Variants in DLG2 observed in about 807,000 individuals in gnomAD.
DLG2 encodes the protein disks large homolog 2.
Under a neutral mutation model 132.5 loss-of-function variants are expected in DLG2, and 45 were observed. That is an observed-to-expected ratio of 0.34 (90% CI 0.27 to 0.44). DLG2 has a LOEUF of 0.44. Among genes scored for constraint, DLG2 ranks in the 20% least tolerant of loss-of-function variants. DLG2 has a pLI of 1.00. For synonymous variants in DLG2, 424 were observed against 419.6 expected (o/e 1.01, Z -0.13); for missense variants, 1,045 against 1,196.9 (o/e 0.87, Z 1.87).
intron 7 of DLG2, 89 bp from the exon 8 acceptor site, chr11:84,251,380 A>C: frequency 3.9e-6 from 4 of 1,026,902 alleles, no homozygotes; most frequent in Non-Finnish European, 4.2e-6. Flanking sequence ...AAAGAGCTCA[A>C]CAGGCATTTC....
chr11:83,904,225 T>G (rs533315861), intron 15 of DLG2, among the ~76,000 whole-genome samples: 1 of 152,272 alleles, frequency 6.6e-6, no homozygotes, highest in Non-Finnish European at 1.5e-5. Flanking sequence ...TTATCATGCT[T>G]CACAAAATGG....
intron 6 of DLG2, among the ~76,000 whole-genome samples, chr11:84,858,129 G>A (rs1248623255): frequency 6.6e-6 from 1 of 152,074 alleles, no homozygotes; most frequent in African/African-American, 2.4e-5. Flanking sequence ...TTGAGCTCAA[G>A]TGATCTGCCT....
At chr11:85,178,433 A>G (rs1045575009) in intron 4 of DLG2, among the ~76,000 whole-genome samples, 1 of 151,968 alleles carries the variant, frequency 6.6e-6, no homozygotes, top group East Asian at 1.9e-4. Flanking sequence ...TTATAAATAA[A>G]TAGTTTTTAA....
At chr11:83,975,811 C>G (rs187236672) in intron 12 of DLG2, among the ~76,000 whole-genome samples, 123 of 151,932 alleles carry the variant, frequency 8.1e-4, no homozygotes, top group African/African-American at 2.9e-3. Context: ...TTTTTGTTTT[C>G]AAGTGACAGA....
chr11:85,180,140 A>G (rs1266921303), intron 4 of DLG2, among the ~76,000 whole-genome samples: 1 of 151,924 alleles, frequency 6.6e-6, no homozygotes. Flanking sequence ...GATTATTTTA[A>G]GTGAAAAAGT....
At chr11:84,685,959 T>C (rs2099737812) in intron 6 of DLG2, among the ~76,000 whole-genome samples, 1 of 152,200 alleles carries the variant, frequency 6.6e-6, no homozygotes, top group African/African-American at 2.4e-5. Context: ...AGTCCTGGGA[T>C]TACAGGCGTG....
At chr11:84,755,604 T>C (rs1431330259) in intron 6 of DLG2, among the ~76,000 whole-genome samples, 2 of 152,296 alleles carry the variant, frequency 1.3e-5, no homozygotes, top group East Asian at 1.9e-4. Flanking sequence ...TTTGTATTTT[T>C]AGTGGAGACG....
chr11:84,890,783 G>A (rs77235779), intron 6 of DLG2: 15,296 of 152,262 alleles, frequency 0.1, 1,037 homozygotes, highest in African/African-American at 0.2. Flanking sequence ...GGCAGACTGA[G>A]CTGAGTAGGT....
At chr11:84,991,629 C>T (rs1440207410) in intron 6 of DLG2, among the ~76,000 whole-genome samples, 1 of 151,624 alleles carries the variant, frequency 6.6e-6, no homozygotes, top group Non-Finnish European at 1.5e-5. Context: ...AAAAGGACAA[C>T]ATGACTGAGA....
At chr11:83,803,185 G>A (rs2044963335) in intron 17 of DLG2, among the ~76,000 whole-genome samples, 1 of 151,972 alleles carries the variant, frequency 6.6e-6, no homozygotes, top group Non-Finnish European at 1.5e-5. Context: ...TGCCTTCTTT[G>A]TGCCAGTCAT....
At chr11:84,020,536 G>A (rs1017783772) in intron 11 of DLG2, among the ~76,000 whole-genome samples, 1 of 152,172 alleles carries the variant, frequency 6.6e-6, no homozygotes, top group African/African-American at 2.4e-5. Flanking sequence ...CTTCGCAGCT[G>A]TAAATAAAAC....
intron 2 of DLG2, chr11:85,625,255 G>C (rs192330848): frequency 1.3e-5 from 2 of 152,160 alleles, no homozygotes; most frequent in Admixed American, 6.5e-5. Context: ...AAACTCTCTA[G>C]AGAAATGGTA....
intron 19 of DLG2, among the ~76,000 whole-genome samples, chr11:83,625,567 G>T (rs1203716352): frequency 1.3e-5 from 2 of 152,156 alleles, no homozygotes; most frequent in East Asian, 1.9e-4. Flanking sequence ...GTCTAGGATG[G>T]AATGTGTTTT....
At chr11:84,623,847 G>T (rs542216729) in intron 6 of DLG2, among the ~76,000 whole-genome samples, 1 of 152,180 alleles carries the variant, frequency 6.6e-6, no homozygotes, top group Non-Finnish European at 1.5e-5. Flanking sequence ...TTCTCTTCAT[G>T]TGTTACACAA....
Position 83,770,255 on chromosome 11 carries a change from G to GTTTTTTTTTTTTTTTTTTTTTTTT in DLG2, c.1825+16434_1825+16435insAAAAAAAAAAAAAAAAAAAAAAAA, listed in dbSNP as rs143065797. Among the ~76,000 whole-genome samples the GTTTTTTTTTTTTTTTTTTTTTTTT allele has an allele frequency of 5.0e-4, 55 of 109,874 alleles. 5 individuals are homozygous for GTTTTTTTTTTTTTTTTTTTTTTTT. The highest frequency in any genetic ancestry group is 4.7e-3 in the Middle Eastern group (1 of 212). The allele number at this position is 109,874 out of a possible 152,430, so 72.1% of individuals were successfully genotyped here. ...TACCTTTTGTCTCGTGGTGTCTGGT[G>GTTTTTTTTTTTTTTTTTTTTTTTT]TTTTTTTTTGTTTTTTTGCTTTTTG... On this transcript the variant is annotated intron_variant, in intron 18 of 27. Transcript: ENST00000376104.
chr11:84,272,429 T>G (rs756326318), intron 7 of DLG2: 1 of 259,990 alleles, frequency 3.8e-6, no homozygotes, highest in African/African-American at 2.3e-5. Context: ...GTGATCTCAA[T>G]TCTTCAAAGT....
chr11:84,326,808 GA>G (rs1473976213), intron 7 of DLG2, among the ~76,000 whole-genome samples: 1 of 152,112 alleles, frequency 6.6e-6, no homozygotes, highest in Non-Finnish European at 1.5e-5. Context: ...ATTATTGAAA[GA>G]AGAGTATTAC....
intron 10 of DLG2, among the ~76,000 whole-genome samples, chr11:84,071,540 T>A (rs2096757267): frequency 6.6e-6 from 1 of 152,134 alleles, no homozygotes; most frequent in African/African-American, 2.4e-5. Context: ...GAGTATATCC[T>A]TTTCTTTTAC....
At chr11:85,145,416 C>G (rs777805592) in intron 5 of DLG2, among the ~76,000 whole-genome samples, 1 of 152,078 alleles carries the variant, frequency 6.6e-6, no homozygotes, top group Non-Finnish European at 1.5e-5. Context: ...AACTTTCTTA[C>G]CTGATCTCTT....
Sources: allele counts gnomAD v4.1 joint callset (sites outside exome capture counted in the v4.1 genomes callset), GRCh38; gene constraint gnomAD v4.1.1; transcripts MANE v1.5; gene names NCBI Gene and HGNC (gene_info 2026-07-23, HGNC 2026-07-21).